The following GALNT17 variants were observed in gnomAD, a reference collection of about 807,000 sequenced individuals.
The protein encoded by GALNT17 is UDP-GalNAc:polypeptide N-acetylgalactosaminyltransferase-like 3.
In GALNT17, 29 loss-of-function variants were observed where a neutral mutation model predicts 63.7. The observed-to-expected ratio is 0.46, with a 90% CI of 0.34 to 0.62. The LOEUF (loss-of-function observed/expected upper bound fraction) is 0.62. Among genes scored for constraint, GALNT17 ranks in the 20% least tolerant of loss-of-function variants. The pLI, the probability that GALNT17 is intolerant of heterozygous loss-of-function variation, is 0.01. For missense variants in GALNT17, 603 were observed against 799.6 expected (o/e 0.75, Z 2.97); for synonymous variants, 305 against 318.3 (o/e 0.96, Z 0.45).
chr7:71,683,256 G>T (rs1280013701), intron 9 of GALNT17, among the ~76,000 whole-genome samples: 3 of 152,088 alleles, frequency 2.0e-5, no homozygotes, highest in Non-Finnish European at 2.9e-5. Flanking sequence ...ATTAGAGAAC[G>T]CTTGGTGTGG....
intron 1 of GALNT17, among the ~76,000 whole-genome samples, chr7:71,285,259 G>A (rs1485514320): frequency 6.6e-6 from 1 of 152,070 alleles, no homozygotes; most frequent in East Asian, 1.9e-4. Flanking sequence ...ATTCGGAATA[G>A]CCTTTTCTAT....
chr7:71,384,131 T>C (rs962641280), intron 2 of GALNT17, among the ~76,000 whole-genome samples: 2 of 152,232 alleles, frequency 1.3e-5, no homozygotes, highest in Non-Finnish European at 2.9e-5. Context: ...TGTTTTGTTT[T>C]GTTTTTTTGT....
chr7:71,547,145 C>T (rs1788999101), intron 5 of GALNT17, among the ~76,000 whole-genome samples: 2 of 151,596 alleles, frequency 1.3e-5, no homozygotes, highest in South Asian at 4.2e-4. Context: ...GCATGCAACA[C>T]CACACCCAGT....
chr7:71,692,720 TTTTTTA>T (rs1791473747), intron 9 of GALNT17, among the ~76,000 whole-genome samples: 1 of 135,576 alleles, frequency 7.4e-6, no homozygotes, highest in Non-Finnish European at 1.5e-5. Flanking sequence ...ACTTTTTAAT[TTTTTTA>T]TTTTTATTCT....
At chr7:71,140,677 A>G (rs1401962325) in intron 1 of GALNT17, among the ~76,000 whole-genome samples, 2 of 152,200 alleles carry the variant, frequency 1.3e-5, no homozygotes, top group Non-Finnish European at 2.9e-5. Context: ...ACCCAAGCCC[A>G]AGGCCAGCGA....
chr7:71,160,605 C>T (rs1043337489), intron 1 of GALNT17, among the ~76,000 whole-genome samples: 2 of 152,062 alleles, frequency 1.3e-5, no homozygotes, highest in African/African-American at 2.4e-5. Flanking sequence ...ATTACAGGTG[C>T]CTGCTACCAT....
chr7:71,234,182 G>A (rs1178153812), intron 1 of GALNT17, among the ~76,000 whole-genome samples: 4 of 152,110 alleles, frequency 2.6e-5, no homozygotes, highest in East Asian at 1.9e-4. Flanking sequence ...GGCTACAATC[G>A]GAGAGCTATC....
intron 1 of GALNT17, among the ~76,000 whole-genome samples, chr7:71,247,941 T>C (rs183486477): frequency 1.6e-4 from 25 of 152,218 alleles, no homozygotes; most frequent in African/African-American, 5.8e-4. Flanking sequence ...GGAAGTGGAT[T>C]GTCATAAAGT....
rs184358274 is a variant in GALNT17 at position 71,567,384 on chromosome 7, T to C, written c.963-3901T>C. On this transcript the variant is annotated intron_variant, in intron 5 of 10. Coordinates refer to ENST00000333538, the MANE Select transcript of GALNT17 (RefSeq NM_022479.3). ...TAAGAAGGTGAAGGCGCATTACTTATTGAGCTCCTGCTCTGTGCACTGGGC... is the reference window on the plus strand; with the variant it reads ...TAAGAAGGTGAAGGCGCATTACTTACTGAGCTCCTGCTCTGTGCACTGGGC... 1.8e-4 allele frequency among the ~76,000 whole-genome samples: 28 copies of C among 152,368 alleles called. No individual in the cohort carries two copies. In the East Asian group the frequency reaches 5.0e-3, roughly 27 times the overall value.
intron 8 of GALNT17, among the ~76,000 whole-genome samples, chr7:71,676,706 T>C (rs1274615446): frequency 6.6e-6 from 1 of 152,176 alleles, no homozygotes; most frequent in Non-Finnish European, 1.5e-5. Flanking sequence ...TCTTCATGCC[T>C]TTATGCAAAT....
intron 3 of GALNT17, among the ~76,000 whole-genome samples, chr7:71,404,104 C>T (rs997183620): frequency 1.3e-5 from 2 of 152,144 alleles, no homozygotes. Flanking sequence ...CCTGGATAGC[C>T]TATAGCTTAT....
intron 5 of GALNT17, among the ~76,000 whole-genome samples, chr7:71,531,626 A>G (rs1788722288): frequency 6.6e-6 from 1 of 152,176 alleles, no homozygotes; most frequent in East Asian, 1.9e-4. Flanking sequence ...TTTTTGAGAC[A>G]GGGTCTCACT....
intron 2 of GALNT17, among the ~76,000 whole-genome samples, chr7:71,378,970 C>A (rs1370654009): frequency 6.6e-6 from 1 of 152,142 alleles, no homozygotes; most frequent in Non-Finnish European, 1.5e-5. Context: ...CCGCTGCACT[C>A]CAGCCTGGGC....
At chr7:71,241,549 T>C (rs1382235748) in intron 1 of GALNT17, among the ~76,000 whole-genome samples, 1 of 152,194 alleles carries the variant, frequency 6.6e-6, no homozygotes, top group Non-Finnish European at 1.5e-5. Flanking sequence ...GCAAGGAGCA[T>C]GCTTTACTCT....
At chr7:71,614,835 CAA>C (rs964797457) in intron 6 of GALNT17, among the ~76,000 whole-genome samples, 10 of 124,052 alleles carry the variant, frequency 8.1e-5, no homozygotes, top group East Asian at 4.8e-4. Context: ...ATGAAAGAAA[CAA>C]AGAGGAGAGA....
intron 7 of GALNT17, among the ~76,000 whole-genome samples, chr7:71,667,957 CCTGT>C (rs1222281068): frequency 6.6e-6 from 1 of 152,122 alleles, no homozygotes; most frequent in Admixed American, 6.6e-5. Flanking sequence ...GCGCCCTCTA[CCTGT>C]CTAACTTCCG....
At chr7:71,217,429 A>G (rs905641309) in intron 1 of GALNT17, among the ~76,000 whole-genome samples, 4 of 152,064 alleles carry the variant, frequency 2.6e-5, no homozygotes, top group African/African-American at 9.7e-5. Flanking sequence ...ATATTGTTGC[A>G]TTTGATTTAC....
chr7:71,690,371 A>AG (rs1472472827), intron 9 of GALNT17, among the ~76,000 whole-genome samples: 25 of 151,958 alleles, frequency 1.6e-4, no homozygotes, highest in Non-Finnish European at 3.5e-4. Context: ...CTTCTCAGAA[A>AG]AAAAAAAAAA....
intron 3 of GALNT17, among the ~76,000 whole-genome samples, chr7:71,406,635 A>T (rs1446246088): frequency 1.3e-5 from 2 of 152,250 alleles, no homozygotes; most frequent in African/African-American, 2.4e-5. Context: ...TAATATTTTT[A>T]AAATATTTTA....
Sources: allele counts gnomAD v4.1 joint callset (sites outside exome capture counted in the v4.1 genomes callset), GRCh38; gene constraint gnomAD v4.1.1; transcripts MANE v1.5; gene names NCBI Gene and HGNC (gene_info 2026-07-23, HGNC 2026-07-21).